The following FOCAD variants were observed in gnomAD, a reference collection of about 807,000 sequenced individuals.
The protein encoded by FOCAD is focadhesin.
FOCAD carries 198 observed loss-of-function variants against 225.6 expected under a neutral mutation model. The ratio of observed to expected loss-of-function variants is 0.88; its 90% CI spans 0.78 to 0.99. FOCAD has a LOEUF of 0.99. FOCAD is among the 50% of genes least tolerant of loss of function. The pLI is 0.00. For synonymous variants in FOCAD, 897 were observed against 755.0 expected (o/e 1.19, Z -3.08); for missense variants, 2,713 against 2,123.6 (o/e 1.28, Z -5.46).
chr9:20,951,143 G>T, intron 34 of FOCAD, 45 bp downstream of exon 34: 2 of 1,427,582 alleles, frequency 1.4e-6, no homozygotes, highest in Non-Finnish European at 9.9e-7. Context: ...GGGAGGGATT[G>T]CCGACCCAGC....
At chr9:20,885,651 T>C (rs1831047198) in intron 21 of FOCAD, 1 of 152,212 alleles carries the variant, frequency 6.6e-6, no homozygotes, top group Non-Finnish European at 1.5e-5. Flanking sequence ...TAACCCTTGG[T>C]TTTAATGTTT....
chr9:20,756,153 C>T (rs1378283154), intron 5 of FOCAD, among the ~76,000 whole-genome samples: 1 of 152,148 alleles, frequency 6.6e-6, no homozygotes, highest in African/African-American at 2.4e-5. Flanking sequence ...GATTTTGATA[C>T]GATTTCTGAG....
chr9:20,733,672 A>G (rs199720797), intron 4 of FOCAD, among the ~76,000 whole-genome samples: 1 of 152,054 alleles, frequency 6.6e-6, no homozygotes, highest in Admixed American at 6.6e-5. Flanking sequence ...CATGTCCCTA[A>G]AAAGGACATG....
At chr9:20,660,996 C>T (rs1235585122) in intron 2 of FOCAD, among the ~76,000 whole-genome samples, 1 of 151,974 alleles carries the variant, frequency 6.6e-6, no homozygotes, top group Non-Finnish European at 1.5e-5. Flanking sequence ...GGAAAGGAGT[C>T]AGCAGAAGAG....
At chr9:20,906,660 T>G (rs966216385) in intron 21 of FOCAD, among the ~76,000 whole-genome samples, 5 of 152,090 alleles carry the variant, frequency 3.3e-5, no homozygotes, top group Non-Finnish European at 7.4e-5. Flanking sequence ...AGTACTCATT[T>G]GCCTGCTCTT....
intron 28 of FOCAD, among the ~76,000 whole-genome samples, chr9:20,933,575 G>A (rs1397330326): frequency 6.6e-6 from 1 of 152,230 alleles, no homozygotes; most frequent in Non-Finnish European, 1.5e-5. Flanking sequence ...GTGTGTATGT[G>A]TGTGTGTGTG....
At chr9:20,777,777 G>C (rs1488865389) in intron 8 of FOCAD, among the ~76,000 whole-genome samples, 1 of 151,980 alleles carries the variant, frequency 6.6e-6, no homozygotes, top group African/African-American at 2.4e-5. Flanking sequence ...ATTAAATTTA[G>C]TATTTTAGGC....
At chr9:20,858,694 A>T (rs1397574707) in intron 15 of FOCAD, among the ~76,000 whole-genome samples, 1 of 151,958 alleles carries the variant, frequency 6.6e-6, no homozygotes, top group Non-Finnish European at 1.5e-5. Flanking sequence ...GGTTTGTTTG[A>T]AGTTTTTCTA....
Position 20,885,087 on chromosome 9 carries a change from G to C in FOCAD, c.2504-22G>C, listed in dbSNP as rs549029115. 3.9e-5 allele frequency: 51 copies of C among 1,308,458 alleles called. 1 individual carries two copies. In the South Asian group the frequency reaches 1.0e-3, roughly 27 times the overall value. 81.1% of individuals were successfully genotyped at this position (1,308,458 alleles called of 1,614,324 possible). On this transcript the variant is annotated intron_variant, in intron 20 of 43. Transcript: ENST00000338382. ...AAAATAAAAATAAAAATAAAATAAA[G>C]TCTATATAATTTTTTTTAAAGGTGG... is the stretch of plus-strand genomic sequence containing the variant.
chr9:20,667,605 A>G (rs1821933182), intron 2 of FOCAD, among the ~76,000 whole-genome samples: 1 of 152,324 alleles, frequency 6.6e-6, no homozygotes, highest in East Asian at 1.9e-4. Flanking sequence ...CCCTGCGAGG[A>G]CAGAGAGGAA....
At chr9:20,685,725 A>G (rs150091640) in intron 1 of FOCAD, among the ~76,000 whole-genome samples, 2 of 152,350 alleles carry the variant, frequency 1.3e-5, no homozygotes, top group Non-Finnish European at 2.9e-5. Flanking sequence ...AATGTTAGGT[A>G]GTTACCATCT....
At chr9:20,747,506 A>G (rs1174737986) in intron 5 of FOCAD, among the ~76,000 whole-genome samples, 1 of 152,182 alleles carries the variant, frequency 6.6e-6, no homozygotes, top group Non-Finnish European at 1.5e-5. Context: ...TATTATAGTC[A>G]GGAAGTTATG....
At chr9:20,915,311 T>G (rs149214499) in intron 23 of FOCAD, among the ~76,000 whole-genome samples, 1 of 152,272 alleles carries the variant, frequency 6.6e-6, no homozygotes, top group Non-Finnish European at 1.5e-5. Flanking sequence ...GAGCCCTGAT[T>G]CTATATTTAA....
At chr9:20,994,970 C>G (rs1186825039) in intron 43 of FOCAD, among the ~76,000 whole-genome samples, 4 of 74,634 alleles carry the variant, frequency 5.4e-5, no homozygotes, top group Non-Finnish European at 1.1e-4. Flanking sequence ...TATTAATATT[C>G]TAAAATAAGA....
At chr9:20,945,114 A>G (rs1435423675) in intron 29 of FOCAD, among the ~76,000 whole-genome samples, 1 of 152,246 alleles carries the variant, frequency 6.6e-6, no homozygotes, top group Non-Finnish European at 1.5e-5. Flanking sequence ...TATAACTTTC[A>G]AAAATGCCCA....
chr9:20,788,376 T>C (rs1587164152), intron 10 of FOCAD, among the ~76,000 whole-genome samples: 1 of 152,178 alleles, frequency 6.6e-6, no homozygotes, highest in East Asian at 1.9e-4. Flanking sequence ...TAAAATTAGA[T>C]AGTGATGATG....
Position 20,885,096 on chromosome 9 carries a change from AT to A in FOCAD, c.2504-5del, listed in dbSNP as rs774132042. ...ATAAAAATAAAATAAAGTCTATATAATTTTTTTTAAAGGTGGTATGTTATTT... is the reference window on the plus strand; with the variant it reads ...ATAAAAATAAAATAAAGTCTATATAATTTTTTTAAAGGTGGTATGTTATTT... On this transcript the variant is annotated splice_polypyrimidine_tract_variant and intron_variant, in intron 20 of 43. Transcript: ENST00000338382. The A allele has an allele frequency of 4.3e-5, 59 of 1,380,814 alleles. No homozygotes were observed. Among genetic ancestry groups the A allele is most frequent in the East Asian group, 3.5e-4 (13 of 37,300 alleles). 85.5% of individuals were successfully genotyped at this position (1,380,814 alleles called of 1,614,324 possible).
intron 6 of FOCAD, among the ~76,000 whole-genome samples, chr9:20,764,517 G>A (rs1300371204): frequency 6.6e-6 from 1 of 152,222 alleles, no homozygotes; most frequent in African/African-American, 2.4e-5. Flanking sequence ...CTCCCAAAGT[G>A]CTGGGATTTT....
chr9:20,848,070 T>C (rs1043484778), intron 15 of FOCAD, among the ~76,000 whole-genome samples: 3 of 151,954 alleles, frequency 2.0e-5, no homozygotes, highest in Non-Finnish European at 1.5e-5. Flanking sequence ...TTGCCGAAAA[T>C]CACTGACAAA....
Sources: gnomAD v4.1 joint callset for allele counts (sites outside exome capture counted in the v4.1 genomes callset) on GRCh38, gnomAD v4.1.1 for gene constraint, MANE v1.5 for transcripts, NCBI Gene and HGNC (gene_info 2026-07-23, HGNC 2026-07-21) for gene names.